The following SKI variants were observed in gnomAD, a reference collection of about 807,000 sequenced individuals.
SKI encodes the protein SKI proto-oncogene.
Under a neutral mutation model 59.3 loss-of-function variants are expected in SKI, and 23 were observed. The observed-to-expected ratio is 0.39, with a 90% CI of 0.28 to 0.55. SKI has a LOEUF of 0.55. SKI is among the 20% of genes least tolerant of loss of function. SKI has a pLI of 0.67. For missense variants in SKI, 1,017 were observed against 1,038.9 expected, an observed-to-expected ratio of 0.98 and a Z score of 0.29; for synonymous variants, 673 against 488.6, an observed-to-expected ratio of 1.38 and a Z score of -4.98.
chr1:2,275,167 G>T (rs1367550309), intron 1 of SKI, among the ~76,000 whole-genome samples: 1 of 152,258 alleles, frequency 6.6e-6, no homozygotes, highest in Non-Finnish European at 1.5e-5. Flanking sequence ...AGCCTTGGGG[G>T]CCCGGTGGAG....
In SKI at chr1:2,306,521, G is replaced by T. The variant is rs1029547335; in HGVS notation, c.1999-56G>T. ...AGGAGCCTCGGGTGGGGGAAGCAGCGTCGGGCCGGGGCAGGGCAGCGAGCA... is the reference window on the plus strand; with the variant it reads ...AGGAGCCTCGGGTGGGGGAAGCAGCTTCGGGCCGGGGCAGGGCAGCGAGCA... On this transcript the variant is annotated intron_variant, in intron 6 of 6. Transcript: ENST00000378536. 4.0e-6 allele frequency: 6 copies of T among 1,506,126 alleles called. No individual in the cohort carries two copies. The African/African-American group carries it at 7.0e-5, about 18-fold the overall frequency. 93.3% of individuals were successfully genotyped at this position (1,506,126 alleles called of 1,614,324 possible). A position where few individuals can be genotyped will look rare whatever the true frequency, so the allele number is the denominator to read the frequency against.
At chr1:2,299,969 C>T (rs1640383755) in intron 1 of SKI, among the ~76,000 whole-genome samples, 4 of 152,104 alleles carry the variant, frequency 2.6e-5, no homozygotes, top group African/African-American at 9.7e-5. Flanking sequence ...GCTGGCTCAC[C>T]TGTTTGGGCC....
At chr1:2,273,586 G>A (rs1639675643) in intron 1 of SKI, among the ~76,000 whole-genome samples, 1 of 152,194 alleles carries the variant, frequency 6.6e-6, no homozygotes, top group South Asian at 2.1e-4. Flanking sequence ...CCAGCCTTGT[G>A]AGCCAGGGCA....
At chr1:2,283,420 G>A (rs1176123956) in intron 1 of SKI, among the ~76,000 whole-genome samples, 2 of 152,202 alleles carry the variant, frequency 1.3e-5, no homozygotes, top group African/African-American at 2.4e-5. Context: ...GGCAAGCATC[G>A]CCTTTTGAGG....
intron 1 of SKI, among the ~76,000 whole-genome samples, chr1:2,252,472 A>G (rs1639186296): frequency 6.6e-6 from 1 of 151,984 alleles, no homozygotes; most frequent in Non-Finnish European, 1.5e-5. Context: ...CCTTTATGTC[A>G]TGGTGTTTTG....
In SKI at chr1:2,229,421, C is replaced by A. The variant is rs1226163559; in HGVS notation, c.655C>A (p.Arg219Ser). ...LGLELSERSV[R>S]VYHECFGKCK... is the part of the protein sequence containing the mutation. ...CCTGGAGCTCAGCGAGCGCAGCGTC[C>A]GCGTGTACCACGAGTGCTTCGGCAA... The change falls in exon 1 of 7, where the codon CGC (arginine) becomes AGC (serine). Residue 219 changes from arginine to serine, a missense_variant. Coordinates refer to ENST00000378536, the MANE Select transcript of SKI (RefSeq NM_003036.4). This position sits in a 1 kb window ranked among gnomAD's most constrained non-coding sequence, Gnocchi z 6.3. 6.2e-7 allele frequency: 1 copy of A among 1,611,078 alleles called. No individual in the cohort carries two copies. The highest frequency in any genetic ancestry group is 8.5e-7 in the Non-Finnish European group (1 of 1,179,198).
chr1:2,253,329 C>T (rs577828270), intron 1 of SKI, among the ~76,000 whole-genome samples: 1 of 152,258 alleles, frequency 6.6e-6, no homozygotes, highest in East Asian at 1.9e-4. Context: ...GCCGGTATCA[C>T]GGGCTCCAGC....
intron 1 of SKI, among the ~76,000 whole-genome samples, chr1:2,284,069 C>T (rs1005014625): frequency 6.6e-6 from 1 of 152,184 alleles, no homozygotes; most frequent in African/African-American, 2.4e-5. Context: ...ACCCTGTCCT[C>T]CGGGCCATCC....
chr1:2,229,590 G>A lies in SKI; in HGVS notation c.824G>A (p.Gly275Asp). ...CTGGAGAACCGGACCTGCCACTGGG[G>A]CTTCGACTCGGCCAACTGGCGGGCC... ...KALENRTCHW[G>D]FDSANWRAYI... Residue 275 changes from glycine to aspartate, a missense_variant, in exon 1 of 7, where the codon GGC becomes GAC. Coordinates refer to ENST00000378536, the MANE Select transcript of SKI (RefSeq NM_003036.4). The surrounding 1 kb of genome is among the most constrained non-coding windows in gnomAD (Gnocchi z 6.3). 6.2e-7 allele frequency: 1 copy of A among 1,612,430 alleles called. No individual in the cohort carries two copies. The highest frequency in any genetic ancestry group is 1.3e-5 in the African/African-American group (1 of 75,072).
intron 1 of SKI, among the ~76,000 whole-genome samples, chr1:2,299,514 C>T (rs111627383): frequency 2.7e-4 from 41 of 152,316 alleles, no homozygotes; most frequent in African/African-American, 8.9e-4. Context: ...TCCGCCTCTG[C>T]GGCGTCTCCC....
intron 1 of SKI, among the ~76,000 whole-genome samples, chr1:2,230,495 ACT>A (rs1638610837): frequency 6.6e-6 from 1 of 152,118 alleles, no homozygotes. Flanking sequence ...TGCTGGAGTT[ACT>A]GGCGGCCTGC....
At chr1:2,290,346 G>C (rs975060432) in intron 1 of SKI, among the ~76,000 whole-genome samples, 1 of 152,182 alleles carries the variant, frequency 6.6e-6, no homozygotes, top group Non-Finnish European at 1.5e-5. Flanking sequence ...TGAGCTGATT[G>C]GGGGTAGGCC....
chr1:2,260,355 G>A (rs552806270), intron 1 of SKI, among the ~76,000 whole-genome samples: 2 of 152,182 alleles, frequency 1.3e-5, no homozygotes, highest in East Asian at 3.9e-4. Context: ...TTTAGACTGG[G>A]TTTGTTGTTT....
At chr1:2,257,272 A>G (rs1186394701) in intron 1 of SKI, among the ~76,000 whole-genome samples, 1 of 152,224 alleles carries the variant, frequency 6.6e-6, no homozygotes, top group Non-Finnish European at 1.5e-5. Flanking sequence ...CCTCGGCTTT[A>G]AAGGGGCATT....
chr1:2,306,871 C>G lies in SKI; in HGVS notation c.*106C>G. On this transcript the variant is annotated 3_prime_UTR_variant, in exon 7 of 7. Coordinates refer to ENST00000378536, the MANE Select transcript of SKI (RefSeq NM_003036.4). The stretch of plus-strand genomic sequence containing the variant: ...CGCCCCTGCAGCCCACACAGCACAA[C>G]GTCTTACCGTGCCTATTACCAAGCG... 6 of 741,688 alleles carry G rather than the reference C, an allele frequency of 8.1e-6. No individual in the cohort carries two copies. The highest frequency in any genetic ancestry group is 1.1e-5 in the Non-Finnish European group (6 of 537,052). The allele number at this position is 741,688 out of a possible 1,614,324, so 45.9% of individuals were successfully genotyped here.
intron 1 of SKI, among the ~76,000 whole-genome samples, chr1:2,299,256 G>T (rs915416167): frequency 1.3e-5 from 2 of 152,160 alleles, no homozygotes; most frequent in African/African-American, 4.8e-5. Context: ...CTCGGGGAGG[G>T]GGGGGGCCAC....
intron 1 of SKI, among the ~76,000 whole-genome samples, chr1:2,259,510 G>T (rs1392891743): frequency 6.6e-6 from 1 of 152,182 alleles, no homozygotes; most frequent in Non-Finnish European, 1.5e-5. Context: ...GAATATAAGG[G>T]TGCAGTTAGG....
intron 1 of SKI, among the ~76,000 whole-genome samples, chr1:2,249,625 C>CA (rs1200373725): frequency 6.6e-6 from 1 of 152,190 alleles, no homozygotes; most frequent in Non-Finnish European, 1.5e-5. Context: ...CTTGACTCCC[C>CA]ACCTGCTGCT....
rs745318544 is a variant in SKI at position 2,306,113 on chromosome 1, G to A, written c.1861G>A (p.Ala621Thr). Residue 621 changes from alanine to threonine, a missense_variant, in exon 6 of 7, where the codon GCC (alanine) becomes ACC (threonine). Coordinates refer to ENST00000378536, the MANE Select transcript of SKI (RefSeq NM_003036.4). ...NLRKEIERLR[A>T]ENEKKMKEAN... The stretch of plus-strand genomic sequence containing the variant: ...GCGGAAGGAGATCGAGCGTCTCCGC[G>A]CCGAGAACGAGAAGAAGATGAAAGA... 9 of 1,598,990 alleles carry A rather than the reference G, an allele frequency of 5.6e-6. No homozygotes were observed. The highest frequency in any genetic ancestry group is 2.3e-5 in the South Asian group (2 of 88,520).
Sources: allele counts gnomAD v4.1 joint callset (sites outside exome capture counted in the v4.1 genomes callset), GRCh38; gene constraint gnomAD v4.1.1; non-coding constraint Gnocchi (gnomAD v3.1); transcripts MANE v1.5; gene names NCBI Gene and HGNC (gene_info 2026-07-23, HGNC 2026-07-21).